The following PRKCQ variants were observed in gnomAD, a reference collection of about 807,000 sequenced individuals.
PRKCQ encodes protein kinase C theta, also known as protein kinase C theta type.
In PRKCQ, 41 loss-of-function variants were observed where a neutral mutation model predicts 91.2. That is an observed-to-expected ratio of 0.45 (90% CI 0.35 to 0.58). The LOEUF is 0.58. PRKCQ is among the 20% of genes least tolerant of loss of function. The pLI is 0.00. For synonymous variants in PRKCQ, 307 were observed against 316.9 expected (o/e 0.97, Z 0.33); for missense variants, 673 against 896.5 (o/e 0.75, Z 3.18).
chr10:6,550,731 C>T (rs888593166), intron 1 of PRKCQ, among the ~76,000 whole-genome samples: 2 of 152,184 alleles, frequency 1.3e-5, no homozygotes, highest in African/African-American at 4.8e-5. Flanking sequence ...TGAATATATA[C>T]TCAGGGTAGA....
chr10:6,420,314 G>C, the PRKCQ span, among the ~76,000 whole-genome samples: 1 of 152,136 alleles, frequency 6.6e-6, no homozygotes, highest in South Asian at 2.1e-4. Context: ...TTCCCTAAGG[G>C]AGCTGCTTTG....
chr10:6,408,077 A>AT, the PRKCQ span, among the ~76,000 whole-genome samples: 3 of 33,412 alleles, frequency 9.0e-5, no homozygotes, highest in South Asian at 3.6e-3. Flanking sequence ...TTTTTTTTAC[A>AT]TTTTTTGGAA....
At chr10:6,530,263 C>T (rs11259403) in intron 1 of PRKCQ, among the ~76,000 whole-genome samples, 77,218 of 151,972 alleles carry the variant, frequency 0.51, 23,908 homozygotes, top group Admixed American at 0.67. Context: ...ATGAACTTGG[C>T]GTCAGAGTCA....
At position 6,576,578 on chromosome 10, in the gene PRKCQ, CAG is replaced by C. The variant is rs1267458036; in HGVS notation, c.-10+3631_-10+3632del. On this transcript the variant is annotated intron_variant, in intron 1 of 17. Transcript: ENST00000263125. This position sits in a 1 kb window ranked among gnomAD's most constrained non-coding sequence, Gnocchi z 4.2. ...ATGAGGAACGAATGTTCCACGAGGA[CAG>C]AGTTTCAGTTTTAGGAGATGAGAAG... Among the ~76,000 whole-genome samples the C allele has an allele frequency of 1.3e-5, 2 of 152,230 alleles. No homozygotes were observed. The highest frequency in any genetic ancestry group is 3.9e-4 in the East Asian group (2 of 5,186).
intron 1 of PRKCQ, among the ~76,000 whole-genome samples, chr10:6,574,253 A>T (rs1841145424): frequency 6.6e-6 from 1 of 152,224 alleles, no homozygotes; most frequent in African/African-American, 2.4e-5. Context: ...GAGTGCTGTG[A>T]GTTCATGGGC....
At position 6,465,175 on chromosome 10, in the gene PRKCQ, G is replaced by A. The variant is rs1835580164; in HGVS notation, c.1354-771C>T. Among the ~76,000 whole-genome samples the A allele has an allele frequency of 6.6e-6, 1 of 152,216 alleles. No individual in the cohort carries two copies. Among genetic ancestry groups the A allele is most frequent in the Admixed American group, 6.5e-5 (1 of 15,284 alleles). ...ACTCAACACTCAGTAATTAGCTACT[G>A]AGCATATTCTGTGGGCGTGGCGTGG... On this transcript the variant is annotated intron_variant, in intron 12 of 17. Transcript: ENST00000263125. This position sits in a 1 kb window ranked among gnomAD's most constrained non-coding sequence, Gnocchi z 4.4.
At position 6,498,326 on chromosome 10, in the gene PRKCQ, C is replaced by T. The variant is rs530977734; in HGVS notation, c.542+70G>A. 4.7e-5 allele frequency: 73 copies of T among 1,551,078 alleles called. 1 individual carries two copies. The highest frequency in any genetic ancestry group is 2.3e-4 in the Middle Eastern group (1 of 4,424). On this transcript the variant is annotated intron_variant, in intron 5 of 17. Transcript: ENST00000263125. Reference sequence around the variant, plus strand: ...CACCCCCCACAGTGGAGCATGCCAGCGTAGAGGATTAAGAAGACGCAACAA... The same window carrying T: ...CACCCCCCACAGTGGAGCATGCCAGTGTAGAGGATTAAGAAGACGCAACAA...
intron 12 of PRKCQ, among the ~76,000 whole-genome samples, chr10:6,473,104 T>A (rs958181117): frequency 6.6e-6 from 1 of 152,206 alleles, no homozygotes; most frequent in African/African-American, 2.4e-5. Context: ...AGAAAACCCA[T>A]GACTATAGCA....
the PRKCQ span, among the ~76,000 whole-genome samples, chr10:6,405,306 G>A: frequency 3.3e-5 from 5 of 152,152 alleles, no homozygotes; most frequent in Non-Finnish European, 7.3e-5. Context: ...CATAGTGAGA[G>A]CTTCACAACA....
intron 1 of PRKCQ, among the ~76,000 whole-genome samples, chr10:6,555,545 TGTGTATGC>T (rs1840377612): frequency 6.6e-6 from 1 of 152,232 alleles, no homozygotes; most frequent in Non-Finnish European, 1.5e-5. Context: ...CATTCATTGT[TGTGTATGC>T]GTATGATAAA....
intron 15 of PRKCQ, 23 bp from the exon 16 acceptor site, chr10:6,442,104 G>A (rs754376331): frequency 9.4e-6 from 15 of 1,600,822 alleles, no homozygotes; most frequent in Admixed American, 1.7e-5. Flanking sequence ...AAGGCAGACA[G>A]GAAATTAACA....
intron 1 of PRKCQ, among the ~76,000 whole-genome samples, chr10:6,519,532 A>G (rs1425940660): frequency 3.3e-5 from 5 of 152,124 alleles, no homozygotes; most frequent in Non-Finnish European, 7.4e-5. Flanking sequence ...GACTCTTCCT[A>G]ACTCTGATTT....
At chr10:6,447,475 T>C (rs1174043387) in intron 15 of PRKCQ, among the ~76,000 whole-genome samples, 1 of 152,090 alleles carries the variant, frequency 6.6e-6, no homozygotes, top group Non-Finnish European at 1.5e-5. Flanking sequence ...AAAATGAGTT[T>C]GCACCTCCAA....
intron 1 of PRKCQ, among the ~76,000 whole-genome samples, chr10:6,519,018 T>A (rs140410240): frequency 6.6e-6 from 1 of 152,316 alleles, no homozygotes; most frequent in African/African-American, 2.4e-5. Flanking sequence ...TGTAAGTATA[T>A]ATGTGTGTGT....
At chr10:6,407,213 G>A in the PRKCQ span, among the ~76,000 whole-genome samples, 1 of 152,062 alleles carries the variant, frequency 6.6e-6, no homozygotes, top group Non-Finnish European at 1.5e-5. The surrounding 1 kb of genome is among the most constrained non-coding windows in gnomAD (Gnocchi z 4.0). Flanking sequence ...CATGCCGGCT[G>A]AGCTTGCAGG....
intron 12 of PRKCQ, among the ~76,000 whole-genome samples, chr10:6,472,090 C>CTT: frequency 6.6e-6 from 1 of 152,160 alleles, no homozygotes; most frequent in Non-Finnish European, 1.5e-5. Flanking sequence ...GGGTGTATCA[C>CTT]AAGGTCAGGA....
Position 6,465,985 on chromosome 10 carries a change from A to C in PRKCQ, c.1354-1581T>G, listed in dbSNP as rs1350554574. Among the ~76,000 whole-genome samples, 1 of 152,088 alleles carries C rather than the reference A, an allele frequency of 6.6e-6. No individual in the cohort carries two copies. Among genetic ancestry groups the C allele is most frequent in the Non-Finnish European group, 1.5e-5 (1 of 68,014 alleles). On this transcript the variant is annotated intron_variant, in intron 12 of 17. Coordinates refer to ENST00000263125, the MANE Select transcript of PRKCQ (RefSeq NM_006257.5). The surrounding 1 kb of genome is among the most constrained non-coding windows in gnomAD (Gnocchi z 4.4). ...CTGCACACACCTGCTTTCTCATGCT[A>C]CCTCTTGCTCTCATCAGCACCACAG...
chr10:6,535,202 C>T (rs914634658), intron 1 of PRKCQ, among the ~76,000 whole-genome samples: 21 of 152,134 alleles, frequency 1.4e-4, no homozygotes, highest in Admixed American at 8.5e-4. Flanking sequence ...TTCGGATGCC[C>T]AGTTTTGATA....
intron 14 of PRKCQ, among the ~76,000 whole-genome samples, chr10:6,461,214 C>T (rs991324769): frequency 4.0e-5 from 6 of 151,624 alleles, no homozygotes; most frequent in Non-Finnish European, 7.4e-5. Flanking sequence ...CAACCATCCA[C>T]ACCCATCCAT....
Sources: allele counts gnomAD v4.1 joint callset (sites outside exome capture counted in the v4.1 genomes callset), GRCh38; gene constraint gnomAD v4.1.1; non-coding constraint Gnocchi (gnomAD v3.1); transcripts MANE v1.5; gene names NCBI Gene and HGNC (gene_info 2026-07-23, HGNC 2026-07-21).